The following IL5RA variants were observed in gnomAD, a reference collection of about 807,000 sequenced individuals.
IL5RA encodes the protein interleukin 5 receptor subunit alpha, also known as interleukin-5 receptor subunit alpha.
IL5RA carries 49 observed loss-of-function variants against 50.0 expected under a neutral mutation model. The ratio of observed to expected loss-of-function variants is 0.98; its 90% CI spans 0.78 to 1.24. IL5RA has a LOEUF of 1.24. Among genes scored for constraint, IL5RA ranks in the 50% most tolerant of loss-of-function variants. IL5RA has a pLI of 0.00. For synonymous variants in IL5RA, 202 were observed against 174.0 expected (o/e 1.16, Z -1.26); for missense variants, 600 against 500.4 (o/e 1.20, Z -1.90).
At chr3:3,105,784 A>G (rs553730707) in intron 2 of IL5RA, among the ~76,000 whole-genome samples, 69 of 152,314 alleles carry the variant, frequency 4.5e-4, no homozygotes, top group African/African-American at 1.6e-3. Flanking sequence ...GAACACACAC[A>G]AAAGTCTCGG....
chr3:3,075,206 T>C (rs867637374), intron 10 of IL5RA, among the ~76,000 whole-genome samples: 64 of 140,336 alleles, frequency 4.6e-4, no homozygotes, highest in African/African-American at 1.6e-3. Flanking sequence ...TTACTTACTT[T>C]TTTTTTTTTT....
At chr3:3,074,013 T>G (rs183215519) in intron 11 of IL5RA, among the ~76,000 whole-genome samples, 1 of 152,344 alleles carries the variant, frequency 6.6e-6, no homozygotes. Flanking sequence ...ACTAATTTCC[T>G]ACAGAAATGC....
chr3:3,098,365 A>G, intron 5 of IL5RA, 75 bp from the exon 6 acceptor site: 4 of 1,340,016 alleles, frequency 3.0e-6, no homozygotes, highest in Non-Finnish European at 4.2e-6. Context: ...TTGGAACTAT[A>G]GTGATGTGAA....
intron 4 of IL5RA, 27 bp downstream of exon 4, chr3:3,102,648 A>C: frequency 6.8e-7 from 1 of 1,470,724 alleles, no homozygotes; most frequent in Non-Finnish European, 9.2e-7. Context: ...ATTCTCAATA[A>C]GGATATCCAT....
intron 3 of IL5RA, 37 bp from the exon 4 acceptor site, chr3:3,102,857 C>T: frequency 6.4e-7 from 1 of 1,573,328 alleles, no homozygotes; most frequent in Admixed American, 1.8e-5. Context: ...ACACAATGTT[C>T]AACTGGACAT....
chr3:3,081,636 A>C (rs1293881290), intron 9 of IL5RA, among the ~76,000 whole-genome samples: 2 of 152,200 alleles, frequency 1.3e-5, no homozygotes, highest in Admixed American at 1.3e-4. Flanking sequence ...TTTTCTTCTG[A>C]CCATGATTAC....
chr3:3,085,579 T>C (rs1401124660), intron 9 of IL5RA, among the ~76,000 whole-genome samples: 20 of 152,104 alleles, frequency 1.3e-4, no homozygotes, highest in Admixed American at 1.3e-3. Flanking sequence ...TGAAGATGCA[T>C]TTGATGGTCC....
intron 7 of IL5RA, among the ~76,000 whole-genome samples, chr3:3,096,277 TC>T (rs1395979141): frequency 0.07 from 3,733 of 53,690 alleles, 131 homozygotes; most frequent in African/African-American, 0.23. Context: ...GAAATCTGTC[TC>T]AAAAAAAAAA....
chr3:3,105,923 A>G (rs1439417025), intron 2 of IL5RA, among the ~76,000 whole-genome samples: 1 of 152,204 alleles, frequency 6.6e-6, no homozygotes, highest in Non-Finnish European at 1.5e-5. Context: ...TTCAAGGGCA[A>G]ATAACACGCA....
At chr3:3,089,138 G>A (rs1448322093) in intron 9 of IL5RA, among the ~76,000 whole-genome samples, 1 of 152,116 alleles carries the variant, frequency 6.6e-6, no homozygotes, top group African/African-American at 2.4e-5. Context: ...TGAAGCAGGT[G>A]AGTTTAGCCC....
chr3:3,078,071 A>G (rs565513726), intron 9 of IL5RA, among the ~76,000 whole-genome samples: 1 of 152,288 alleles, frequency 6.6e-6, no homozygotes, highest in South Asian at 2.1e-4. Context: ...AAAGAATCAC[A>G]CTCAGCAAAT....
rs532078267 is a variant in IL5RA, at chr3:3,081,905, T to G, written c.995-5278A>C. On this transcript the variant is annotated intron_variant, in intron 9 of 11. Transcript: ENST00000446632. ...CAAATGCATTAGGGCTACTCCCCTA[T>G]AGCTAGTTGAAAACAGAACTAACCC... Among the ~76,000 whole-genome samples the G allele has an allele frequency of 2.0e-5, 3 of 152,312 alleles. No homozygotes were observed. In the South Asian group the frequency reaches 6.2e-4, roughly 32 times the overall value.
At chr3:3,094,217 A>G (rs539799075) in intron 8 of IL5RA, among the ~76,000 whole-genome samples, 1 of 152,210 alleles carries the variant, frequency 6.6e-6, no homozygotes, top group East Asian at 1.9e-4. Context: ...AATGTTCAAC[A>G]CTCTTTTAAT....
chr3:3,089,117 C>T (rs1702988358), intron 9 of IL5RA, among the ~76,000 whole-genome samples: 1 of 152,100 alleles, frequency 6.6e-6, no homozygotes, highest in Non-Finnish European at 1.5e-5. Flanking sequence ...AGATTGGTCT[C>T]AACAGAATTA....
intron 11 of IL5RA, among the ~76,000 whole-genome samples, chr3:3,072,857 A>T (rs972851939): frequency 2.0e-5 from 3 of 152,232 alleles, no homozygotes; most frequent in African/African-American, 7.2e-5. Context: ...GGTTGCAGTG[A>T]GCCGAGATGG....
chr3:3,082,430 C>T (rs780211797), intron 9 of IL5RA, among the ~76,000 whole-genome samples: 1 of 152,218 alleles, frequency 6.6e-6, no homozygotes, highest in Non-Finnish European at 1.5e-5. Context: ...AGAAGTCACA[C>T]AGCCTATTCT....
At chr3:3,096,004 C>T (rs995067367) in intron 7 of IL5RA, among the ~76,000 whole-genome samples, 3 of 152,216 alleles carry the variant, frequency 2.0e-5, no homozygotes, top group East Asian at 1.9e-4. Flanking sequence ...TGGGGCAGGG[C>T]GTGGGGGCTC....
In IL5RA at chr3:3,095,440, T is replaced by G; in HGVS notation, c.714A>C (p.Gln238His). 6.2e-7 allele frequency: 1 copy of G among 1,607,602 alleles called. No homozygotes were observed. The highest frequency in any genetic ancestry group is 1.3e-5 in the African/African-American group (1 of 74,192). Reference sequence around the variant, plus strand: ...CTGTGACATTCAGTGGAGGATTTATTTGATCTAAGTTAGGGAACGAAAGAT... The same window carrying G: ...CTGTGACATTCAGTGGAGGATTTATGTGATCTAAGTTAGGGAACGAAAGAT... ...DQLFALHAID[Q>H]INPPLNVTAE... is the part of the protein sequence containing the mutation. The change falls in exon 8 of 12, where the codon CAA becomes CAC. Residue 238 changes from glutamine (Q) to histidine (H), a missense_variant. Gln to His is a conservative substitution (Grantham distance 24, BLOSUM62 0). Coordinates refer to ENST00000446632, the MANE Select transcript of IL5RA (RefSeq NM_175726.4).
At chr3:3,093,145 T>C (rs1355892793) in intron 8 of IL5RA, among the ~76,000 whole-genome samples, 2 of 152,202 alleles carry the variant, frequency 1.3e-5, no homozygotes, top group Non-Finnish European at 2.9e-5. Flanking sequence ...TTCTTTATTT[T>C]TTAGCAAAAT....
Sources: gnomAD v4.1 joint callset for allele counts (sites outside exome capture counted in the v4.1 genomes callset) on GRCh38, gnomAD v4.1.1 for gene constraint, MANE v1.5 for transcripts, NCBI Gene and HGNC (gene_info 2026-07-23, HGNC 2026-07-21) for gene names.